PCDH11Y: variants seen among roughly 807,000 people sequenced by gnomAD.
The protein encoded by PCDH11Y is protocadherin-11 Y-linked.
For synonymous variants in PCDH11Y, 9 were observed against 83.6 expected (o/e 0.11, Z 4.87); for missense variants, 12 against 224.8 (o/e 0.05, Z 6.05).
At chrY:5,430,170 A>G (rs2053267420) in intron 2 of PCDH11Y, among the ~76,000 whole-genome samples, 1 of 35,007 alleles carries the variant, frequency 2.9e-5, no homozygotes, top group African/African-American at 1.1e-4. Context: ...AATAGAAAAA[A>G]TTATCAGTGC....
At chrY:5,101,762 G>A, downstream of PCDH11Y, among the ~76,000 whole-genome samples, 1 of 33,334 alleles carries the variant, frequency 3.0e-5, no homozygotes, top group South Asian at 6.5e-4. Context: ...TCTTAAAAAA[G>A]TATTAATCTT....
intron 3 of PCDH11Y, among the ~76,000 whole-genome samples, chrY:5,504,597 G>T: frequency 3.1e-5 from 1 of 31,998 alleles, no homozygotes; most frequent in Non-Finnish European, 7.7e-5. Flanking sequence ...TTGCTGCTGG[G>T]TTACTGTGGA....
intron 3 of PCDH11Y, among the ~76,000 whole-genome samples, chrY:5,551,538 T>A: frequency 3.1e-5 from 1 of 32,484 alleles, no homozygotes; most frequent in Non-Finnish European, 7.6e-5. Flanking sequence ...TTATTGGGGT[T>A]GACAAAGTTC....
intron 2 of PCDH11Y, among the ~76,000 whole-genome samples, chrY:5,367,478 G>A: frequency 4.2e-5 from 1 of 24,015 alleles, no homozygotes; most frequent in East Asian, 1.1e-3. Context: ...TCCGCTTCCC[G>A]GGTTCACGCC....
At chrY:5,368,911 C>G in intron 2 of PCDH11Y, among the ~76,000 whole-genome samples, 1 of 33,174 alleles carries the variant, frequency 3.0e-5, no homozygotes, top group Non-Finnish European at 7.4e-5. Context: ...TTTGACTGCC[C>G]CATTGGATTT....
chrY:5,490,218 C>A, intron 2 of PCDH11Y, among the ~76,000 whole-genome samples: 4 of 33,093 alleles, frequency 1.2e-4, no homozygotes, highest in Non-Finnish European at 3.0e-4. Flanking sequence ...AGTCCTAGAT[C>A]AAATTGTTGG....
At chrY:5,496,574 G>C in intron 2 of PCDH11Y, among the ~76,000 whole-genome samples, 1 of 31,621 alleles carries the variant, frequency 3.2e-5, no homozygotes, top group African/African-American at 1.2e-4. Context: ...TGAACCTTCA[G>C]TTTAATGGTT....
At chrY:5,377,510 T>G in intron 2 of PCDH11Y, among the ~76,000 whole-genome samples, 1 of 33,631 alleles carries the variant, frequency 3.0e-5, no homozygotes, top group Non-Finnish European at 7.4e-5. Flanking sequence ...AGAATTGCAC[T>G]TTAAACTTTT....
chrY:5,212,612 A>G (rs1602887168), intron 2 of PCDH11Y, among the ~76,000 whole-genome samples: 1 of 32,547 alleles, frequency 3.1e-5, no homozygotes, highest in East Asian at 7.9e-4. Flanking sequence ...ATTTAAAACC[A>G]GAGAAAAATC....
intron 2 of PCDH11Y, among the ~76,000 whole-genome samples, chrY:5,461,442 T>C (rs1602928838): frequency 3.0e-5 from 1 of 33,146 alleles, no homozygotes; most frequent in South Asian, 6.6e-4. Flanking sequence ...TTCACATAGT[T>C]TGACTTAATG....
intron 1 of PCDH11Y, among the ~76,000 whole-genome samples, chrY:5,029,468 A>G (rs2124621139): frequency 3.1e-5 from 1 of 31,955 alleles, no homozygotes; most frequent in East Asian, 8.2e-4. Flanking sequence ...TATTTACTCA[A>G]ACTATGGAAA....
chrY:5,032,911 A>G, intron 3 of PCDH11Y, among the ~76,000 whole-genome samples: 1 of 31,616 alleles, frequency 3.2e-5, no homozygotes, highest in Non-Finnish European at 7.8e-5. Flanking sequence ...CTATATTCCA[A>G]TATACTGATA....
intron 3 of PCDH11Y, among the ~76,000 whole-genome samples, chrY:5,550,614 G>C: frequency 3.0e-5 from 1 of 33,177 alleles, no homozygotes; most frequent in Admixed American, 2.8e-4. Flanking sequence ...CCTTATAACA[G>C]AAAAACAAAT....
intron 1 of PCDH11Y, among the ~76,000 whole-genome samples, chrY:5,024,297 T>A: frequency 3.0e-5 from 1 of 33,191 alleles, no homozygotes; most frequent in African/African-American, 1.2e-4. Context: ...TCTGCAGATT[T>A]GTCCGGACAA....
At chrY:5,265,213 C>T in intron 2 of PCDH11Y, among the ~76,000 whole-genome samples, 1 of 33,211 alleles carries the variant, frequency 3.0e-5, no homozygotes, top group South Asian at 6.7e-4. Context: ...AATGTGATTG[C>T]TAACCTGATT....
chrY:5,195,391 A>G, intron 2 of PCDH11Y, among the ~76,000 whole-genome samples: 1 of 33,632 alleles, frequency 3.0e-5, no homozygotes, highest in Non-Finnish European at 7.3e-5. Flanking sequence ...ACCTAACACA[A>G]TGTTGGACCT....
intron 2 of PCDH11Y, among the ~76,000 whole-genome samples, chrY:5,495,224 A>C: frequency 3.0e-5 from 1 of 33,041 alleles, no homozygotes; most frequent in Non-Finnish European, 7.4e-5. Flanking sequence ...ACAAAATAAA[A>C]AGGCCTGACA....
At chrY:5,335,887 G>T in intron 2 of PCDH11Y, among the ~76,000 whole-genome samples, 1 of 32,175 alleles carries the variant, frequency 3.1e-5, no homozygotes, top group African/African-American at 1.2e-4. Flanking sequence ...AATGAGAAAT[G>T]AATTTTTTCA....
At chrY:5,046,928 C>T in intron 3 of PCDH11Y, among the ~76,000 whole-genome samples, 2 of 34,146 alleles carry the variant, frequency 5.9e-5, no homozygotes, top group African/African-American at 2.3e-4. Context: ...CTCCCTGACC[C>T]CTTGCGCTTT....
Sources: allele counts gnomAD v4.1 joint callset (sites outside exome capture counted in the v4.1 genomes callset), GRCh38; gene constraint gnomAD v4.1.1; transcripts MANE v1.5; gene names NCBI Gene and HGNC (gene_info 2026-07-23, HGNC 2026-07-21).